Variants in RTN1 observed in about 807,000 individuals in gnomAD.
The protein encoded by RTN1 is reticulon-1.
In RTN1, 25 loss-of-function variants were observed where a neutral mutation model predicts 65.5. The ratio of observed to expected loss-of-function variants is 0.38; its 90% CI spans 0.28 to 0.53. The LOEUF (loss-of-function observed/expected upper bound fraction) is 0.53, where lower values mean the gene tolerates loss of function less well. RTN1 is among the 20% of genes least tolerant of loss of function. The pLI, the probability that RTN1 is intolerant of heterozygous loss-of-function variation, is 0.79. For missense variants in RTN1, 983 were observed against 1,025.4 expected, an observed-to-expected ratio of 0.96 and a Z score of 0.57; for synonymous variants, 471 against 447.6, an observed-to-expected ratio of 1.05 and a Z score of -0.66.
chr14:59,819,780 G>C (rs1594755449), intron 1 of RTN1, among the ~76,000 whole-genome samples: 1 of 152,136 alleles, frequency 6.6e-6, no homozygotes, highest in African/African-American at 2.4e-5. Context: ...AGTGCTGGGG[G>C]ACCCGGTGCA....
chr14:59,818,807 C>T (rs1886868224), intron 1 of RTN1, among the ~76,000 whole-genome samples: 1 of 152,228 alleles, frequency 6.6e-6, no homozygotes, highest in Non-Finnish European at 1.5e-5. Context: ...TTCCTTCTAT[C>T]TGCAACCTCA....
intron 3 of RTN1, among the ~76,000 whole-genome samples, chr14:59,629,175 T>TATCAGCTCCATCGATTTACTTTTGAC (rs1882478770): frequency 6.6e-6 from 1 of 152,256 alleles, no homozygotes; most frequent in Admixed American, 6.5e-5. Context: ...CTTTTAAATT[T>TATCAGCTCCATCGATTTACTTTTGAC]ATCAGCTCCA....
intron 2 of RTN1, among the ~76,000 whole-genome samples, chr14:59,730,697 T>C (rs1488254715): frequency 1.3e-5 from 2 of 152,156 alleles, no homozygotes; most frequent in African/African-American, 4.8e-5. Context: ...AGAACTTCAA[T>C]AGACAGTTCT....
intron 1 of RTN1, among the ~76,000 whole-genome samples, chr14:59,808,363 G>A (rs1354127774): frequency 6.6e-6 from 1 of 152,186 alleles, no homozygotes; most frequent in Non-Finnish European, 1.5e-5. Context: ...ACTTTGGAAT[G>A]CTGATTTCCA....
chr14:59,758,614 A>T (rs377329966), intron 1 of RTN1, among the ~76,000 whole-genome samples: 1 of 151,890 alleles, frequency 6.6e-6, no homozygotes, highest in Non-Finnish European at 1.5e-5. Flanking sequence ...CCACTCCTCA[A>T]TGTTTTCTCC....
intron 2 of RTN1, among the ~76,000 whole-genome samples, chr14:59,728,229 T>C (rs945926872): frequency 8.6e-5 from 13 of 151,790 alleles, no homozygotes; most frequent in Non-Finnish European, 1.0e-4. Context: ...GAGCTTTATA[T>C]TTCCAATAAG....
Position 59,596,519 on chromosome 14 carries a change from C to A in RTN1, c.*226G>T. On this transcript the variant is annotated 3_prime_UTR_variant, in exon 9 of 9. Transcript: ENST00000267484. ...TTTTTTAGCAACACAAAATTAAAAA[C>A]CACATCTAATACACTTTTCTCTATA... 8.6e-6 allele frequency: 3 copies of A among 347,500 alleles called. No individual in the cohort carries two copies. The highest frequency in any genetic ancestry group is 9.6e-5 in the East Asian group (2 of 20,770). The allele number at this position is 347,500 out of a possible 1,614,324, so 21.5% of individuals were successfully genotyped here.
At position 59,811,815 on chromosome 14, in the gene RTN1, C is replaced by T. The variant is rs192112009; in HGVS notation, c.241+58575G>A. 5.5e-4 allele frequency among the ~76,000 whole-genome samples: 83 copies of T among 152,256 alleles called. No homozygotes were observed. The East Asian group carries it at 9.9e-3, about 18-fold the overall frequency. ...ATAAAATATCCAAAGAGCTACATTA[C>T]GTGAACAACTGAAGCAGCGGTTCTC... On this transcript the variant is annotated intron_variant, in intron 1 of 8. Transcript: ENST00000267484.
chr14:59,693,686 T>C (rs1884006189), intron 3 of RTN1, among the ~76,000 whole-genome samples: 1 of 152,242 alleles, frequency 6.6e-6, no homozygotes, highest in Non-Finnish European at 1.5e-5. Flanking sequence ...AATGCCATTA[T>C]TTTGTTCCTT....
intron 1 of RTN1, among the ~76,000 whole-genome samples, chr14:59,772,173 T>C (rs572273128): frequency 6.6e-6 from 1 of 152,236 alleles, no homozygotes; most frequent in South Asian, 2.1e-4. Context: ...CAGAATATTT[T>C]AAAAATCTGT....
intron 1 of RTN1, among the ~76,000 whole-genome samples, chr14:59,850,074 C>T (rs1887477658): frequency 6.6e-6 from 1 of 151,862 alleles, no homozygotes; most frequent in African/African-American, 2.4e-5. Flanking sequence ...TGTCTCTTCT[C>T]CTGTCTCTTC....
rs576146265 is a variant in RTN1, at chr14:59,694,311, G to C, written c.1765+32608C>G. On this transcript the variant is annotated intron_variant, in intron 3 of 8. Coordinates refer to ENST00000267484, the MANE Select transcript of RTN1 (RefSeq NM_021136.3). ...CAGATTACCCATCTGGAAGTAAGGA[G>C]AGTCATAGTTCTAGGCATGTGGGAA... Among the ~76,000 whole-genome samples the C allele has an allele frequency of 4.6e-5, 7 of 152,288 alleles. No individual in the cohort carries two copies. The South Asian group carries it at 1.4e-3, about 32-fold the overall frequency.
chr14:59,848,548 C>G (rs1256804998), intron 1 of RTN1, among the ~76,000 whole-genome samples: 2 of 152,084 alleles, frequency 1.3e-5, no homozygotes, highest in Non-Finnish European at 2.9e-5. Flanking sequence ...TAAATAGGAG[C>G]AAGAATTTAC....
chr14:59,784,213 C>A (rs922166220), intron 1 of RTN1, among the ~76,000 whole-genome samples: 1 of 151,542 alleles, frequency 6.6e-6, no homozygotes, highest in Non-Finnish European at 1.5e-5. Context: ...CCAAGGCAGG[C>A]GGATCACCTG....
At chr14:59,859,802 T>A (rs1887675305) in intron 1 of RTN1, among the ~76,000 whole-genome samples, 1 of 152,218 alleles carries the variant, frequency 6.6e-6, no homozygotes, top group Non-Finnish European at 1.5e-5. Flanking sequence ...ACTCTTGTTA[T>A]GCTTTAGCAA....
intron 3 of RTN1, among the ~76,000 whole-genome samples, chr14:59,657,027 A>G (rs749152287): frequency 2.6e-5 from 4 of 152,064 alleles, no homozygotes; most frequent in Admixed American, 1.3e-4. Context: ...GCTTATAGCA[A>G]AATAAAAAAC....
intron 3 of RTN1, among the ~76,000 whole-genome samples, chr14:59,709,636 G>A (rs1476407715): frequency 6.6e-6 from 1 of 152,106 alleles, no homozygotes; most frequent in East Asian, 1.9e-4. Flanking sequence ...CTGCCTTGTG[G>A]TGCCAGTCCG....
intron 3 of RTN1, chr14:59,630,328 A>G (rs1882510547): frequency 2.4e-6 from 3 of 1,268,488 alleles, no homozygotes; most frequent in Non-Finnish European, 3.4e-6. Context: ...CCCCAACACA[A>G]AGCTCTGGGG....
At chr14:59,645,338 A>G (rs978819874) in intron 3 of RTN1, among the ~76,000 whole-genome samples, 2 of 152,224 alleles carry the variant, frequency 1.3e-5, no homozygotes, top group African/African-American at 4.8e-5. Context: ...TGCATATTCC[A>G]GCAGCCCAAT....
Sources: gnomAD v4.1 joint callset for allele counts (sites outside exome capture counted in the v4.1 genomes callset) on GRCh38, gnomAD v4.1.1 for gene constraint, MANE v1.5 for transcripts, NCBI Gene and HGNC (gene_info 2026-07-23, HGNC 2026-07-21) for gene names.